LARS1: variants seen among roughly 807,000 people sequenced by gnomAD.
LARS1 encodes leucyl-tRNA synthetase 1.
Under a neutral mutation model 162.8 loss-of-function variants are expected in LARS1, and 100 were observed. The observed-to-expected ratio is 0.61, with a 90% confidence interval of 0.52 to 0.73. The LOEUF (loss-of-function observed/expected upper bound fraction) is 0.73. Among genes scored for constraint, LARS1 ranks in the 30% least tolerant of loss-of-function variants. The probability of loss-of-function intolerance (pLI) is 0.00; values close to 1 mark genes in which losing one functional copy is unlikely to be tolerated. For missense variants in LARS1, 1,258 were observed against 1,408.9 expected (o/e 0.89, Z 1.71); for synonymous variants, 457 against 462.8 (o/e 0.99, Z 0.16).
chr5:146,142,821 C>T (rs1240437704), intron 20 of LARS1, 51 bp downstream of exon 20: 1 of 1,347,602 alleles, frequency 7.4e-7, no homozygotes. Context: ...AGCCACAAGA[C>T]ACCCCTATTG....
intron 25 of LARS1, 103 bp from the exon 26 acceptor site, chr5:146,129,221 T>C: frequency 9.7e-7 from 1 of 1,028,556 alleles, no homozygotes; most frequent in Non-Finnish European, 1.4e-6. Flanking sequence ...CATCTGTAAT[T>C]GTGTGCTCAG....
intron 15 of LARS1, among the ~76,000 whole-genome samples, chr5:146,146,532 CAAAAAAAAAAAAAA>C (rs573828595): frequency 3.8e-5 from 1 of 26,502 alleles, no homozygotes; most frequent in Admixed American, 6.5e-4. Flanking sequence ...ATGCCAGAAC[CAAAAAAAAAAAAAA>C]AAAAAAAAAG....
Position 146,120,592 on chromosome 5 carries a change from A to T in LARS1, c.3193-89T>A, listed in dbSNP as rs994879543. The T allele has an allele frequency of 2.3e-6, 3 of 1,285,148 alleles. No homozygotes were observed. The African/African-American group carries it at 4.5e-5, about 19-fold the overall frequency. The allele number at this position is 1,285,148 out of a possible 1,614,324, so 79.6% of individuals were successfully genotyped here. ...CTACGTTTTCAATGCCCAATGAAAG[A>T]CAGATCTAATTCTGGTATTTTAAAA... On this transcript the variant is annotated intron_variant, in intron 30 of 31. Transcript: ENST00000394434.
At chr5:146,170,935 T>C in intron 4 of LARS1, among the ~76,000 whole-genome samples, 1 of 151,370 alleles carries the variant, frequency 6.6e-6, no homozygotes, top group Admixed American at 6.6e-5. Context: ...TGCATGCATG[T>C]GTGCTAAGAG....
chr5:146,135,495 G>T, intron 22 of LARS1, 106 bp downstream of exon 22: 1 of 801,970 alleles, frequency 1.2e-6, no homozygotes, highest in Non-Finnish European at 2.0e-6. Flanking sequence ...TTAAAATTTT[G>T]TTAAAAGCAA....
intron 15 of LARS1, among the ~76,000 whole-genome samples, chr5:146,148,697 C>T (rs1417637855): frequency 6.6e-6 from 1 of 150,714 alleles, no homozygotes; most frequent in Non-Finnish European, 1.5e-5. Context: ...CCTCCTACTC[C>T]TTCCAAGAGT....
intron 5 of LARS1, among the ~76,000 whole-genome samples, chr5:146,167,384 A>G (rs942551478): frequency 6.6e-6 from 1 of 152,162 alleles, no homozygotes; most frequent in Non-Finnish European, 1.5e-5. Context: ...AGGAAAAAGG[A>G]AATAGGAAAG....
intron 1 of LARS1, chr5:146,179,778 T>A: frequency 3.4e-6 from 1 of 293,576 alleles, no homozygotes; most frequent in Non-Finnish European, 7.2e-6. Flanking sequence ...GTTTTTGTAT[T>A]TTTTTGTAGA....
In LARS1 at chr5:146,142,663, T is replaced by C. The variant is rs541405037; in HGVS notation, c.2090+209A>G. 2.2e-5 allele frequency: 11 copies of C among 500,444 alleles called. No individual in the cohort carries two copies. The East Asian group carries it at 3.3e-4, about 15-fold the overall frequency. 31.0% of individuals were successfully genotyped at this position (500,444 alleles called of 1,614,324 possible). A position where few individuals can be genotyped will look rare whatever the true frequency, so the allele number is the denominator to read the frequency against. On this transcript the variant is annotated intron_variant, in intron 20 of 31. Coordinates refer to ENST00000394434, the MANE Select transcript of LARS1 (RefSeq NM_020117.11). ...CCAGCAATGCACCTGAGATATGACATGCTTTGGTGCCTGGGGTAGGTATGT... is the reference window on the plus strand; with the variant it reads ...CCAGCAATGCACCTGAGATATGACACGCTTTGGTGCCTGGGGTAGGTATGT...
intron 5 of LARS1, among the ~76,000 whole-genome samples, chr5:146,167,596 A>G (rs34794113): frequency 0.22 from 33,632 of 151,286 alleles, 4,718 homozygotes; most frequent in Admixed American, 0.33. Flanking sequence ...GGGTTTCACC[A>G]TGTTTGCCAG....
chr5:146,153,586 A>G, intron 12 of LARS1, 148 bp downstream of exon 12: 1 of 648,224 alleles, frequency 1.5e-6, no homozygotes, highest in South Asian at 2.0e-5. Context: ...CAAACCACAG[A>G]AAATATATTA....
chr5:146,165,141 C>A (rs1228608093), intron 5 of LARS1, among the ~76,000 whole-genome samples: 1 of 152,102 alleles, frequency 6.6e-6, no homozygotes, highest in Non-Finnish European at 1.5e-5. Flanking sequence ...CGAGACCAGC[C>A]TGGCCAATGT....
chr5:146,161,903 T>C (rs1257155879), intron 6 of LARS1, among the ~76,000 whole-genome samples: 2 of 152,228 alleles, frequency 1.3e-5, no homozygotes, highest in South Asian at 2.1e-4. Flanking sequence ...AAACTACTTT[T>C]TTTGCTCATC....
chr5:146,173,802 T>C (rs989688564), intron 2 of LARS1, among the ~76,000 whole-genome samples: 11 of 152,236 alleles, frequency 7.2e-5, no homozygotes, highest in Admixed American at 5.9e-4. Flanking sequence ...AAATTTGCTT[T>C]TACCGTTCCC....
chr5:146,164,339 T>G lies in LARS1; in HGVS notation c.565A>C (p.Ile189Leu), dbSNP rs199808937. Residue 189 changes from isoleucine (I) to leucine (L), a missense_variant, in exon 6 of 32, where the codon ATT becomes CTT. Coordinates refer to ENST00000394434, the MANE Select transcript of LARS1 (RefSeq NM_020117.11). Reference protein sequence around the residue: ...HWLDYFPPLAIQDLKRMGLKV... With the variant: ...HWLDYFPPLALQDLKRMGLKV... The stretch of plus-strand genomic sequence containing the variant: ...AAACCCATTCTTTTTAAATCCTGAA[T>G]AGCCAGTGGCGGGAAATAATCAAGC... The G allele has an allele frequency of 1.2e-6, 2 of 1,614,098 alleles. No individual in the cohort carries two copies. The highest frequency in any genetic ancestry group is 1.7e-4 in the Middle Eastern group (1 of 6,060).
At position 146,157,491 on chromosome 5, in the gene LARS1, C is replaced by T; in HGVS notation, c.977G>A (p.Cys326Tyr). 1 of 1,614,138 alleles carries T rather than the reference C, an allele frequency of 6.2e-7. No individual in the cohort carries two copies. The highest frequency in any genetic ancestry group is 8.5e-7 in the Non-Finnish European group (1 of 1,180,012). The change falls in exon 10 of 32, where the codon TGT (cysteine) becomes TAT (tyrosine). Residue 326 changes from cysteine (C) to tyrosine (Y), a missense_variant. Cys to Tyr is a radical substitution (Grantham distance 194). Transcript: ENST00000394434. ...FETVNGDIFI[C>Y]TQKAARNMSY... ...CATATTCCTGGCTGCTTTTTGGGTA[C>T]AGATGAATATATCACCATTCACCGT... is the stretch of plus-strand genomic sequence containing the variant.
intron 2 of LARS1, among the ~76,000 whole-genome samples, chr5:146,176,835 G>A (rs1754600833): frequency 6.6e-6 from 1 of 151,896 alleles, no homozygotes; most frequent in African/African-American, 2.4e-5. Context: ...AGGTTTACTT[G>A]TAAAGAAAAA....
chr5:146,123,578 C>G (rs1009673196), intron 29 of LARS1, among the ~76,000 whole-genome samples: 1 of 151,612 alleles, frequency 6.6e-6, no homozygotes, highest in Non-Finnish European at 1.5e-5. Flanking sequence ...TGCAGCAATT[C>G]TAAACCAAAG....
chr5:146,182,336 G>C, intron 1 of LARS1, 152 bp downstream of exon 1: 1 of 911,208 alleles, frequency 1.1e-6, no homozygotes, highest in East Asian at 2.4e-5. Flanking sequence ...TCATAAACTA[G>C]CAAGAAAAAG....
Sources: gnomAD v4.1 joint callset for allele counts (sites outside exome capture counted in the v4.1 genomes callset) on GRCh38, gnomAD v4.1.1 for gene constraint, MANE v1.5 for transcripts, NCBI Gene and HGNC (gene_info 2026-07-23, HGNC 2026-07-21) for gene names.